The following MSH4 variants were observed in gnomAD, a reference collection of about 807,000 sequenced individuals.
The protein encoded by MSH4 is mutS homolog 4, also known as mutS protein homolog 4.
In MSH4, 106 loss-of-function variants were observed where a neutral mutation model predicts 113.7. The observed-to-expected ratio is 0.93, with a 90% confidence interval of 0.80 to 1.10. The LOEUF (loss-of-function observed/expected upper bound fraction) is 1.10, where lower values mean the gene tolerates loss of function less well. Ranked by LOEUF, MSH4 falls within the 50% of genes least tolerant of loss-of-function variation. The pLI, the probability that MSH4 is intolerant of heterozygous loss-of-function variation, is 0.00. For synonymous variants in MSH4, 368 were observed against 380.2 expected, an observed-to-expected ratio of 0.97 and a Z score of 0.37; for missense variants, 1,061 against 1,093.7, an observed-to-expected ratio of 0.97 and a Z score of 0.42.
intron 7 of MSH4, among the ~76,000 whole-genome samples, chr1:75,828,941 T>C (rs1288405217): frequency 1.3e-5 from 2 of 152,146 alleles, no homozygotes; most frequent in Non-Finnish European, 2.9e-5. Flanking sequence ...TTCATCTCAC[T>C]GGGGCTTGTC....
chr1:75,882,870 G>T (rs5745481), intron 14 of MSH4, among the ~76,000 whole-genome samples: 31 of 152,002 alleles, frequency 2.0e-4, no homozygotes, highest in Non-Finnish European at 3.2e-4. Flanking sequence ...AATGCTAAGC[G>T]TACCAAATTT....
chr1:75,802,737 G>A (rs1174342717), intron 1 of MSH4, among the ~76,000 whole-genome samples: 4 of 152,182 alleles, frequency 2.6e-5, no homozygotes, highest in African/African-American at 9.7e-5. Context: ...GTCTTAGTCT[G>A]TATTCTGTTG....
intron 17 of MSH4, among the ~76,000 whole-genome samples, chr1:75,892,920 T>C (rs1652289613): frequency 6.6e-6 from 1 of 152,210 alleles, no homozygotes; most frequent in Non-Finnish European, 1.5e-5. Flanking sequence ...AGCCTCTTTA[T>C]GGTCACTAAC....
intron 19 of MSH4, among the ~76,000 whole-genome samples, chr1:75,903,616 G>C (rs895889259): frequency 6.6e-6 from 1 of 151,956 alleles, no homozygotes; most frequent in Admixed American, 6.6e-5. Context: ...ACATTGAATA[G>C]TATTGACATT....
chr1:75,848,832 TATA>T (rs1422799489), intron 8 of MSH4, among the ~76,000 whole-genome samples: 2 of 152,172 alleles, frequency 1.3e-5, no homozygotes, highest in African/African-American at 2.4e-5. Flanking sequence ...AGACTTAGAC[TATA>T]ATAATATTTG....
At chr1:75,835,710 TC>T (rs1202411522) in intron 7 of MSH4, among the ~76,000 whole-genome samples, 1 of 152,170 alleles carries the variant, frequency 6.6e-6, no homozygotes, top group Non-Finnish European at 1.5e-5. Flanking sequence ...GTAAAAACTC[TC>T]CCTGGACTTC....
intron 12 of MSH4, 22 bp from the exon 13 acceptor site, chr1:75,880,028 T>A (rs1319962352): frequency 2.5e-6 from 3 of 1,216,334 alleles, no homozygotes; most frequent in African/African-American, 1.5e-5. Context: ...ATCTTGACAT[T>A]TGTTTTTTAA....
chr1:75,814,873 TA>T, intron 4 of MSH4, 147 bp from the exon 5 acceptor site: 1 of 601,030 alleles, frequency 1.7e-6, no homozygotes, highest in African/African-American at 1.9e-5. Flanking sequence ...TCATTCTTTT[TA>T]TAGAAATAAC....
At position 75,912,887 on chromosome 1, in the gene MSH4, A is replaced by G. The variant is rs777625147; in HGVS notation, c.2811A>G (p.Ter937=). The G allele has an allele frequency of 9.3e-6, 14 of 1,500,906 alleles. No homozygotes were observed. In the Middle Eastern group the frequency reaches 1.7e-3, roughly 188 times the overall value. 93.0% of individuals were successfully genotyped at this position (1,500,906 alleles called of 1,614,324 possible). Residue 937 remains the stop codon, a stop_retained_variant, in exon 20 of 20, where the codon TAA becomes TAG. Transcript: ENST00000263187. ...TEQVPEKTEE[*] ...AAGTTCCAGAAAAGACTGAAGAATA[A>G]TCACAATTCTAATGTAATAATATAT...
Position 75,899,656 on chromosome 1 carries a change from A to G in MSH4, c.2569A>G (p.Ile857Val), listed in dbSNP as rs141866516. The change falls in exon 19 of 20, where the codon ATT becomes GTT. Residue 857 changes from isoleucine to valine, a missense_variant. Ile to Val is a conservative substitution (Grantham distance 29). Coordinates refer to ENST00000263187, the MANE Select transcript of MSH4 (RefSeq NM_002440.4). ...AGAGGTGTCATCACTTCCACCATCA[A>G]TTGTCTTGGATGCCAAGGAAATCAC... ...AAEVSSLPPS[I>V]VLDAKEITTQ... is the part of the protein sequence containing the mutation. The G allele has an allele frequency of 9.2e-6, 14 of 1,514,184 alleles. No individual in the cohort carries two copies. Among genetic ancestry groups the G allele is most frequent in the Non-Finnish European group, 1.1e-5 (12 of 1,139,204 alleles). The allele number at this position is 1,514,184 out of a possible 1,614,324, so 93.8% of individuals were successfully genotyped here. A position where few individuals can be genotyped will look rare whatever the true frequency, so the allele number is the denominator to read the frequency against.
chr1:75,910,206 T>C (rs1652758434), intron 19 of MSH4, among the ~76,000 whole-genome samples: 1 of 152,090 alleles, frequency 6.6e-6, no homozygotes, highest in Non-Finnish European at 1.5e-5. Context: ...TTGTCATCAC[T>C]CTCCCCAAAG....
At chr1:75,860,949 C>G (rs996707982) in intron 8 of MSH4, among the ~76,000 whole-genome samples, 3 of 152,156 alleles carry the variant, frequency 2.0e-5, no homozygotes, top group Non-Finnish European at 2.9e-5. Context: ...TTCTTGGAGG[C>G]TTTGTTTGTT....
At chr1:75,896,939 T>C (rs1000726758) in intron 17 of MSH4, among the ~76,000 whole-genome samples, 17 of 152,184 alleles carry the variant, frequency 1.1e-4, no homozygotes, top group Non-Finnish European at 7.4e-5. Flanking sequence ...ATTTGTTGAG[T>C]AGGTATTTAA....
At chr1:75,879,439 G>C (rs1651884945) in intron 12 of MSH4, among the ~76,000 whole-genome samples, 1 of 152,054 alleles carries the variant, frequency 6.6e-6, no homozygotes, top group South Asian at 2.1e-4. Context: ...GCCTGTTAAA[G>C]GTTTAAAAAG....
chr1:75,898,260 G>T lies in MSH4; in HGVS notation c.2530+179G>T, dbSNP rs533264152. On this transcript the variant is annotated intron_variant, in intron 18 of 19. Coordinates refer to ENST00000263187, the MANE Select transcript of MSH4 (RefSeq NM_002440.4). ...CTCATTGTATCTATATCTAGATATA[G>T]ATATATAAATCTTTTTAAATTTTTA... Among the ~76,000 whole-genome samples the T allele has an allele frequency of 1.8e-3, 266 of 151,826 alleles. 1 individual carries two copies. Among genetic ancestry groups the T allele is most frequent in the Non-Finnish European group, 1.8e-3 (119 of 67,960 alleles).
chr1:75,825,929 T>C (rs1650539779), intron 7 of MSH4, among the ~76,000 whole-genome samples: 1 of 152,166 alleles, frequency 6.6e-6, no homozygotes, highest in South Asian at 2.1e-4. Flanking sequence ...AATTTTCTTT[T>C]TTTGTTGTGT....
intron 7 of MSH4, among the ~76,000 whole-genome samples, chr1:75,823,604 G>A (rs1650479252): frequency 1.3e-5 from 2 of 151,264 alleles, no homozygotes; most frequent in African/African-American, 4.8e-5. Flanking sequence ...TTGGGGATTT[G>A]TCCTAATGCT....
intron 7 of MSH4, among the ~76,000 whole-genome samples, chr1:75,837,242 A>G (rs1237416191): frequency 2.6e-5 from 4 of 152,184 alleles, no homozygotes; most frequent in Non-Finnish European, 5.9e-5. Context: ...CTTACCGGAC[A>G]CTGAATCTGC....
intron 7 of MSH4, among the ~76,000 whole-genome samples, chr1:75,843,120 G>GCC (rs1650998637): frequency 6.6e-6 from 1 of 152,166 alleles, no homozygotes; most frequent in Non-Finnish European, 1.5e-5. Flanking sequence ...GCAGGGAAGG[G>GCC]CCACCTGTCC....
Sources: allele counts gnomAD v4.1 joint callset (sites outside exome capture counted in the v4.1 genomes callset), GRCh38; gene constraint gnomAD v4.1.1; transcripts MANE v1.5; gene names NCBI Gene and HGNC (gene_info 2026-07-23, HGNC 2026-07-21).